The following FSTL5 variants were observed in gnomAD, a reference collection of about 807,000 sequenced individuals.
FSTL5 encodes follistatin like 5, also known as follistatin-related protein 5.
In FSTL5, 62 loss-of-function variants were observed where a neutral mutation model predicts 89.1. The ratio of observed to expected loss-of-function variants is 0.70; its 90% confidence interval spans 0.57 to 0.86. The LOEUF (loss-of-function observed/expected upper bound fraction) is 0.86. FSTL5 is among the 40% of genes least tolerant of loss of function. The probability of loss-of-function intolerance (pLI) is 0.00; values close to 1 mark genes in which losing one functional copy is unlikely to be tolerated. For synonymous variants in FSTL5, 383 were observed against 346.2 expected, an observed-to-expected ratio of 1.11 and a Z score of -1.18; for missense variants, 1,057 against 1,001.6, an observed-to-expected ratio of 1.06 and a Z score of -0.75.
chr4:161,683,054 T>G (rs1248213731), intron 6 of FSTL5, among the ~76,000 whole-genome samples: 1 of 152,126 alleles, frequency 6.6e-6, no homozygotes, highest in East Asian at 1.9e-4. Context: ...CAACTTTTCT[T>G]TTTTAATAAG....
chr4:162,045,231 A>AT (rs1406569231), intron 2 of FSTL5, among the ~76,000 whole-genome samples: 1 of 152,134 alleles, frequency 6.6e-6, no homozygotes. Flanking sequence ...TTGTATGGTT[A>AT]TTAATTGGCC....
At chr4:161,776,928 T>C (rs1741431801) in intron 4 of FSTL5, among the ~76,000 whole-genome samples, 2 of 151,906 alleles carry the variant, frequency 1.3e-5, no homozygotes, top group African/African-American at 4.8e-5. Context: ...TATCGTTAAC[T>C]ACAGTTCCCC....
chr4:161,924,617 A>C (rs1183316781), intron 3 of FSTL5, among the ~76,000 whole-genome samples: 2 of 151,712 alleles, frequency 1.3e-5, no homozygotes, highest in Admixed American at 6.6e-5. Flanking sequence ...GGGACATTTA[A>C]GGGCACAAAG....
At chr4:161,889,892 G>A (rs1480210945) in intron 4 of FSTL5, among the ~76,000 whole-genome samples, 1 of 152,078 alleles carries the variant, frequency 6.6e-6, no homozygotes, top group African/African-American at 2.4e-5. Flanking sequence ...AAACCGTATG[G>A]TTTATTTACA....
intron 12 of FSTL5, among the ~76,000 whole-genome samples, chr4:161,499,191 G>T (rs1474118255): frequency 6.6e-6 from 1 of 152,092 alleles, no homozygotes. Flanking sequence ...GACAGAGCAA[G>T]ATTCTGTCTT....
intron 1 of FSTL5, among the ~76,000 whole-genome samples, chr4:162,128,964 C>T (rs1288849171): frequency 6.7e-6 from 1 of 149,226 alleles, no homozygotes; most frequent in Non-Finnish European, 1.5e-5. Context: ...TGTTGTTGCC[C>T]AGGCTGGAGC....
At chr4:161,701,672 A>G (rs555809798) in intron 6 of FSTL5, among the ~76,000 whole-genome samples, 4 of 152,248 alleles carry the variant, frequency 2.6e-5, no homozygotes, top group African/African-American at 9.6e-5. Flanking sequence ...TAATGTTCTA[A>G]GCAAATGCTC....
intron 2 of FSTL5, among the ~76,000 whole-genome samples, chr4:162,066,595 C>A (rs1316426686): frequency 2.9e-4 from 42 of 147,048 alleles, no homozygotes; most frequent in African/African-American, 1.0e-3. Flanking sequence ...CCCCCCACCC[C>A]CTGACAGGCC....
At chr4:161,409,853 C>A (rs1731527729) in intron 15 of FSTL5, among the ~76,000 whole-genome samples, 1 of 152,110 alleles carries the variant, frequency 6.6e-6, no homozygotes. Flanking sequence ...GCTAACAACA[C>A]CATGACAGGA....
Position 162,107,308 on chromosome 4 carries a change from A to G in FSTL5, c.126+3963T>C, listed in dbSNP as rs180989241. Reference sequence around the variant, plus strand: ...TTACAAAATAGCAATAAAATCACTTATGCCATGAGAATATTCATATAATAA... The same window carrying G: ...TTACAAAATAGCAATAAAATCACTTGTGCCATGAGAATATTCATATAATAA... On this transcript the variant is annotated intron_variant, in intron 2 of 15. Transcript: ENST00000306100. Among the ~76,000 whole-genome samples, 316 of 152,302 alleles carry G rather than the reference A, an allele frequency of 2.1e-3. 3 individuals are homozygous for G. Among genetic ancestry groups the G allele is most frequent in the African/African-American group, 7.4e-3 (307 of 41,568 alleles).
chr4:161,683,117 C>G (rs1737584987), intron 6 of FSTL5, among the ~76,000 whole-genome samples: 1 of 152,044 alleles, frequency 6.6e-6, no homozygotes, highest in Admixed American at 6.6e-5. Context: ...ATACACAAAT[C>G]AGTAATATTT....
intron 5 of FSTL5, among the ~76,000 whole-genome samples, chr4:161,762,071 T>C (rs1412891986): frequency 6.6e-6 from 1 of 152,206 alleles, no homozygotes; most frequent in Non-Finnish European, 1.5e-5. Context: ...ATGGCACATA[T>C]TTAATGTAGA....
chr4:161,692,595 CA>C, intron 6 of FSTL5, among the ~76,000 whole-genome samples: 1 of 152,014 alleles, frequency 6.6e-6, no homozygotes, highest in South Asian at 2.1e-4. Flanking sequence ...TTAAGACACA[CA>C]GAAAAATCCC....
chr4:162,124,031 T>A (rs1731972934), intron 1 of FSTL5, among the ~76,000 whole-genome samples: 1 of 152,160 alleles, frequency 6.6e-6, no homozygotes, highest in Admixed American at 6.5e-5. Flanking sequence ...CTAATCTAGG[T>A]AGAGTATTCA....
intron 10 of FSTL5, among the ~76,000 whole-genome samples, chr4:161,518,653 G>A (rs1282324959): frequency 2.6e-5 from 4 of 151,994 alleles, no homozygotes; most frequent in Admixed American, 2.0e-4. Flanking sequence ...TCCACGACAA[G>A]GTAAGAATTG....
At chr4:162,070,168 C>T (rs1177796458) in intron 2 of FSTL5, among the ~76,000 whole-genome samples, 1 of 151,742 alleles carries the variant, frequency 6.6e-6, no homozygotes, top group African/African-American at 2.4e-5. Flanking sequence ...TAATAAATGA[C>T]TATGCAGATC....
At chr4:161,795,486 G>A (rs888241827) in intron 4 of FSTL5, among the ~76,000 whole-genome samples, 2 of 152,000 alleles carry the variant, frequency 1.3e-5, no homozygotes, top group African/African-American at 4.8e-5. Flanking sequence ...CCTGTCAGCG[G>A]ACCAGTTCCT....
intron 2 of FSTL5, among the ~76,000 whole-genome samples, chr4:162,049,459 A>C (rs1738309659): frequency 6.6e-6 from 1 of 152,180 alleles, no homozygotes; most frequent in African/African-American, 2.4e-5. Flanking sequence ...TGGGTTACAA[A>C]CCAAAAGCAT....
intron 4 of FSTL5, among the ~76,000 whole-genome samples, chr4:161,843,623 C>A (rs1479710331): frequency 6.6e-6 from 1 of 152,048 alleles, no homozygotes; most frequent in Admixed American, 6.6e-5. Flanking sequence ...GGAAAAGAGG[C>A]CTCAGAAATA....
Sources: gnomAD v4.1 joint callset for allele counts (sites outside exome capture counted in the v4.1 genomes callset) on GRCh38, gnomAD v4.1.1 for gene constraint, MANE v1.5 for transcripts, NCBI Gene and HGNC (gene_info 2026-07-23, HGNC 2026-07-21) for gene names.